The following EMSY variants were observed in gnomAD, a reference collection of about 807,000 sequenced individuals.
EMSY encodes the protein EMSY transcriptional repressor, BRCA2 interacting, also known as BRCA2-interacting transcriptional repressor EMSY.
EMSY carries 26 observed loss-of-function variants against 134.6 expected under a neutral mutation model. That is an observed-to-expected ratio of 0.19 (90% CI 0.14 to 0.27). The LOEUF (loss-of-function observed/expected upper bound fraction) is 0.27, where lower values mean the gene tolerates loss of function less well. Ranked by LOEUF, EMSY falls within the 10% of genes least tolerant of loss-of-function variation. The pLI, the probability that EMSY is intolerant of heterozygous loss-of-function variation, is 1.00. For missense variants in EMSY, 1,305 were observed against 1,611.4 expected (o/e 0.81, Z 3.26); for synonymous variants, 579 against 577.8 (o/e 1.00, Z -0.03).
chr11:76,528,585 C>CTTTTTTTTTTTTTTT (rs1202039448), intron 14 of EMSY, 119 bp downstream of exon 15: 3 of 391,280 alleles, frequency 7.7e-6, no homozygotes, highest in African/African-American at 2.4e-5. Flanking sequence ...AATTCTTTTC[C>CTTTTTTTTTTTTTTT]TTTTTTTTTT....
chr11:76,486,044 G>A (rs185286661), intron 8 of EMSY, among the ~76,000 whole-genome samples: 45 of 152,266 alleles, frequency 3.0e-4, no homozygotes, highest in African/African-American at 1.0e-3. Context: ...AGTGTGGCAC[G>A]TATACACCAT....
chr11:76,539,633 C>T (rs750705881), exon 17 of EMSY: 2 of 1,613,700 alleles, frequency 1.2e-6, no homozygotes, highest in South Asian at 2.2e-5. Context: ...TTGCTTTTCC[C>T]CTTCTAGGTA....
At chr11:76,452,468 A>C (rs769221183) in intron 3 of EMSY, among the ~76,000 whole-genome samples, 1 of 152,208 alleles carries the variant, frequency 6.6e-6, no homozygotes, top group Non-Finnish European at 1.5e-5. Context: ...ATTAAGCCAA[A>C]TTCTCAATCT....
chr11:76,542,140 A>T (rs774940358), intron 17 of EMSY, 76 bp from the exon 19 acceptor site: 1 of 1,555,024 alleles, frequency 6.4e-7, no homozygotes, highest in Non-Finnish European at 8.9e-7. Context: ...GCTCACAGAC[A>T]TTTGTTTAAA....
rs758779615 is a variant in EMSY at position 76,544,393 on chromosome 11, A to G, written c.2844A>G (p.Ser948=). The G allele has an allele frequency of 1.3e-5, 21 of 1,614,190 alleles. No individual in the cohort carries two copies. The South Asian group carries it at 2.1e-4, about 16-fold the overall frequency. ...GATCTGCCCTGACTCAGTCACAGTCAGCTAAACAGCAGAAACTTAGCCAGC... is the reference window on the plus strand; with the variant it reads ...GATCTGCCCTGACTCAGTCACAGTCGGCTAAACAGCAGAAACTTAGCCAGC... The change falls in exon 19 of 21, where the codon TCA becomes TCG. Residue 948 remains serine (S), a synonymous_variant. Coordinates refer to ENST00000334736, the Ensembl canonical transcript of EMSY.
At chr11:76,523,699 A>G (rs919075859) in intron 12 of EMSY, among the ~76,000 whole-genome samples, 3 of 75,348 alleles carry the variant, frequency 4.0e-5, no homozygotes, top group Non-Finnish European at 2.7e-5. Flanking sequence ...GGGATTTGTT[A>G]CTTTCTTTTT....
At chr11:76,463,737 G>T in intron 6 of EMSY, 84 bp from the exon 8 acceptor site, 1 of 1,447,760 alleles carries the variant, frequency 6.9e-7, no homozygotes. Context: ...GAGAGGACAA[G>T]GATGATATAA....
At chr11:76,535,808 C>G (rs1412995153) in intron 14 of EMSY, 87 bp from the exon 16 acceptor site, 1 of 1,073,728 alleles carries the variant, frequency 9.3e-7, no homozygotes. Context: ...GAAAGATAAG[C>G]AAACAGACAA....
chr11:76,522,350 T>G (rs1038408864), intron 11 of EMSY, among the ~76,000 whole-genome samples: 3 of 139,202 alleles, frequency 2.2e-5, no homozygotes, highest in Admixed American at 1.5e-4. Context: ...TCGTTTACTT[T>G]GCTTTTTTTT....
At chr11:76,501,266 C>T (rs1264125292) in intron 9 of EMSY, among the ~76,000 whole-genome samples, 1 of 151,970 alleles carries the variant, frequency 6.6e-6, no homozygotes, top group Non-Finnish European at 1.5e-5. Flanking sequence ...CTAACAAAGA[C>T]ATAAGGAGGC....
intron 8 of EMSY, among the ~76,000 whole-genome samples, chr11:76,485,573 A>G (rs1219157212): frequency 3.3e-5 from 5 of 152,162 alleles, no homozygotes; most frequent in African/African-American, 7.2e-5. Flanking sequence ...ATTTATCACA[A>G]ACCCACAGCC....
chr11:76,500,440 T>A (rs1949817438), intron 9 of EMSY, among the ~76,000 whole-genome samples: 4 of 152,140 alleles, frequency 2.6e-5, no homozygotes, highest in Admixed American at 2.6e-4. Context: ...CAGAAGGAGA[T>A]TCATGGATGT....
chr11:76,481,314 A>G (rs1179961392), intron 8 of EMSY, among the ~76,000 whole-genome samples: 1 of 152,158 alleles, frequency 6.6e-6, no homozygotes, highest in East Asian at 1.9e-4. Flanking sequence ...AAGTGCTGGT[A>G]TTACAGGCAT....
chr11:76,551,828 G>A (rs184403113), downstream of EMSY: 3 of 152,088 alleles, frequency 2.0e-5, no homozygotes, highest in African/African-American at 7.2e-5. Flanking sequence ...GGGCTCATGG[G>A]CCTCTAAGCC....
intron 10 of EMSY, among the ~76,000 whole-genome samples, 167 bp from the exon 12 acceptor site, chr11:76,515,975 T>A (rs1312112525): frequency 2.0e-5 from 3 of 152,230 alleles, no homozygotes. Context: ...ACTTGCTATA[T>A]GTGTTGAAAA....
intron 9 of EMSY, among the ~76,000 whole-genome samples, chr11:76,497,734 C>T (rs1471104330): frequency 1.3e-5 from 2 of 152,052 alleles, no homozygotes; most frequent in Non-Finnish European, 2.9e-5. Flanking sequence ...CTTTCTTTGT[C>T]AGACTTGCTA....
rs546969965 is a variant in EMSY at position 76,535,707 on chromosome 11, T to A, written c.2195-188T>A. On this transcript the variant is annotated intron_variant, in intron 14 of 20. Transcript: ENST00000334736. ...GTTGTGAAATCAATGAATGAGTGAATGAATAAGTGAATTCAGAAGTGAAAG... is the reference window on the plus strand; with the variant it reads ...GTTGTGAAATCAATGAATGAGTGAAAGAATAAGTGAATTCAGAAGTGAAAG... Among the ~76,000 whole-genome samples the A allele has an allele frequency of 2.0e-5, 3 of 152,262 alleles. No individual in the cohort carries two copies. In the East Asian group the frequency reaches 5.8e-4, roughly 29 times the overall value.
chr11:76,487,107 C>T (rs566905622), intron 8 of EMSY, among the ~76,000 whole-genome samples: 24 of 152,298 alleles, frequency 1.6e-4, no homozygotes, highest in African/African-American at 5.1e-4. Flanking sequence ...GAAAACCTGT[C>T]TCTACTAAAC....
intron 14 of EMSY, among the ~76,000 whole-genome samples, chr11:76,533,516 A>G (rs1453798808): frequency 6.6e-6 from 1 of 152,136 alleles, no homozygotes; most frequent in East Asian, 1.9e-4. Flanking sequence ...CCATGGGAAT[A>G]TTGTGAAGAT....
Sources: allele counts gnomAD v4.1 joint callset (sites outside exome capture counted in the v4.1 genomes callset), GRCh38; gene constraint gnomAD v4.1.1; transcripts MANE v1.5; gene names NCBI Gene and HGNC (gene_info 2026-07-23, HGNC 2026-07-21).